UBR1: variants seen among roughly 807,000 people sequenced by gnomAD.
The protein encoded by UBR1 is E3 ubiquitin-protein ligase UBR1.
A neutral mutation model predicts 242.1 loss-of-function variants in UBR1; 102 were observed. That is an observed-to-expected ratio of 0.42 (90% CI 0.36 to 0.50). The LOEUF is 0.50. Ranked by LOEUF, UBR1 falls within the 20% of genes least tolerant of loss-of-function variation. The pLI, the probability that UBR1 is intolerant of heterozygous loss-of-function variation, is 0.01. For synonymous variants in UBR1, 675 were observed against 684.8 expected (o/e 0.99, Z 0.22); for missense variants, 1,772 against 2,101.8 (o/e 0.84, Z 3.07).
intron 33 of UBR1, among the ~76,000 whole-genome samples, chr15:42,991,224 C>T (rs1238188252): frequency 2.0e-5 from 3 of 151,404 alleles, no homozygotes; most frequent in Non-Finnish European, 4.4e-5. Context: ...TGCAGTGAGC[C>T]GAGATCGCAC....
At chr15:43,064,302 T>C (rs932403144) in intron 6 of UBR1, among the ~76,000 whole-genome samples, 4 of 152,104 alleles carry the variant, frequency 2.6e-5, no homozygotes, top group African/African-American at 9.7e-5. Flanking sequence ...GAAATTACAG[T>C]TTTTTAAAAC....
chr15:42,983,614 G>C (rs2032411592), intron 37 of UBR1, among the ~76,000 whole-genome samples: 1 of 150,764 alleles, frequency 6.6e-6, no homozygotes, highest in Non-Finnish European at 1.5e-5. Context: ...GCAGTGAGCC[G>C]AGATTGCGCC....
intron 1 of UBR1, among the ~76,000 whole-genome samples, chr15:43,096,459 G>A (rs1216733402): frequency 2.6e-5 from 4 of 152,122 alleles, no homozygotes; most frequent in Non-Finnish European, 5.9e-5. Flanking sequence ...AACGCGCCCG[G>A]CCAGGCAATT....
At chr15:43,026,493 A>C in intron 23 of UBR1, 68 bp downstream of exon 23, 1 of 1,406,806 alleles carries the variant, frequency 7.1e-7, no homozygotes, top group Non-Finnish European at 1.0e-6. Flanking sequence ...AAAAGCAGAA[A>C]ATTTTCTGTG....
At chr15:43,036,138 T>C in intron 19 of UBR1, 40 bp downstream of exon 19, 1 of 1,462,682 alleles carries the variant, frequency 6.8e-7, no homozygotes, top group African/African-American at 1.4e-5. Context: ...GTAACAATAT[T>C]TCCTTTAAAA....
chr15:43,065,256 T>C (rs917038034), intron 6 of UBR1, among the ~76,000 whole-genome samples: 1 of 152,176 alleles, frequency 6.6e-6, no homozygotes, highest in African/African-American at 2.4e-5. Flanking sequence ...CTTCTATTAT[T>C]TTCTGTCTTC....
At chr15:43,049,232 TACAC>T (rs2033522555) in intron 12 of UBR1, among the ~76,000 whole-genome samples, 1 of 152,166 alleles carries the variant, frequency 6.6e-6, no homozygotes, top group Non-Finnish European at 1.5e-5. Flanking sequence ...GAAAAACAGA[TACAC>T]ACAGTAGACA....
rs2033013754 is a variant in UBR1 at position 43,015,733 on chromosome 15, G to A, written c.3164C>T (p.Thr1055Ile). ...IETHKLMYDN[T>I]SEMPGKEDSI... Reference sequence around the variant, plus strand: ...ATCTTCTTTCCCAGGCATTTCTGATGTATTGTCATACATGAGTTTATGAGT... The same window carrying A: ...ATCTTCTTTCCCAGGCATTTCTGATATATTGTCATACATGAGTTTATGAGT... Residue 1055 changes from threonine (T) to isoleucine (I), a missense_variant, in exon 29 of 47, where the codon ACA becomes ATA. Around this residue, in one of 3 missense-constraint regions of UBR1, gnomAD observed 965 missense variants for 1,079.7 expected, o/e 0.89. Coordinates refer to ENST00000290650, the MANE Select transcript of UBR1 (RefSeq NM_174916.3). The A allele has an allele frequency of 1.2e-6, 2 of 1,614,040 alleles. No homozygotes were observed. The highest frequency in any genetic ancestry group is 1.7e-5 in the Admixed American group (1 of 60,008).
intron 29 of UBR1, among the ~76,000 whole-genome samples, chr15:43,008,491 C>A (rs975752710): frequency 8.5e-5 from 13 of 152,270 alleles, no homozygotes; most frequent in Admixed American, 6.5e-5. Context: ...CAAGAGGAAA[C>A]AGGTGGCTCA....
At chr15:43,099,880 C>CTT (rs78614852) in intron 1 of UBR1, among the ~76,000 whole-genome samples, 7 of 142,970 alleles carry the variant, frequency 4.9e-5, no homozygotes, top group African/African-American at 1.3e-4. Flanking sequence ...AGAGGTGCCT[C>CTT]TTTTTTTTTT....
At chr15:42,961,809 C>T (rs2032025195) in intron 42 of UBR1, among the ~76,000 whole-genome samples, 6 of 151,558 alleles carry the variant, frequency 4.0e-5, no homozygotes, top group Admixed American at 3.9e-4. Flanking sequence ...GAGTGGAGTC[C>T]AATGGTGTGG....
intron 14 of UBR1, among the ~76,000 whole-genome samples, chr15:43,044,210 T>C (rs944781973): frequency 6.6e-6 from 1 of 152,242 alleles, no homozygotes; most frequent in Non-Finnish European, 1.5e-5. Flanking sequence ...AATACACTGA[T>C]GGAGTCCGCA....
chr15:42,962,046 C>T (rs1483562871), intron 42 of UBR1, among the ~76,000 whole-genome samples: 1 of 151,926 alleles, frequency 6.6e-6, no homozygotes. Context: ...CGCACCCAAC[C>T]TTATATTTAA....
At chr15:42,951,712 A>G (rs2031836959) in intron 45 of UBR1, among the ~76,000 whole-genome samples, 2 of 152,038 alleles carry the variant, frequency 1.3e-5, no homozygotes, top group Non-Finnish European at 1.5e-5. Context: ...TTGAACTCCC[A>G]GGCTCAAGCA....
intron 10 of UBR1, among the ~76,000 whole-genome samples, chr15:43,057,803 TTGCTC>T (rs2033636422): frequency 2.0e-5 from 3 of 152,200 alleles, no homozygotes; most frequent in African/African-American, 4.8e-5. Context: ...TAACCTCCCT[TTGCTC>T]TGGGTCAGTG....
At chr15:43,037,243 G>A (rs1320855378) in intron 17 of UBR1, among the ~76,000 whole-genome samples, 2 of 151,644 alleles carry the variant, frequency 1.3e-5, no homozygotes, top group African/African-American at 4.8e-5. Context: ...AGCTACTGGG[G>A]AGGCTGAGGC....
At chr15:43,019,726 G>GCGCCTGCCACCA in intron 27 of UBR1, among the ~76,000 whole-genome samples, 1 of 150,710 alleles carries the variant, frequency 6.6e-6, no homozygotes, top group South Asian at 2.1e-4. Flanking sequence ...GGGATTACAG[G>GCGCCTGCCACCA]CGCCTGCCAC....
At chr15:43,067,555 G>A (rs549030868) in intron 6 of UBR1, among the ~76,000 whole-genome samples, 2 of 152,196 alleles carry the variant, frequency 1.3e-5, no homozygotes, top group Admixed American at 1.3e-4. Flanking sequence ...ATCATGTTAA[G>A]ACCTCAGAAA....
chr15:43,061,577 A>G (rs779785385), intron 6 of UBR1, among the ~76,000 whole-genome samples: 33 of 152,064 alleles, frequency 2.2e-4, no homozygotes, highest in Non-Finnish European at 3.2e-4. Context: ...ATATATACAC[A>G]CACACATATA....
Sources: allele counts gnomAD v4.1 joint callset (sites outside exome capture counted in the v4.1 genomes callset), GRCh38; gene constraint gnomAD v4.1.1; regional missense constraint gnomAD v4.1.1; transcripts MANE v1.5; gene names NCBI Gene and HGNC (gene_info 2026-07-23, HGNC 2026-07-21).